The following PABPC1 variants were observed in gnomAD, a reference collection of about 807,000 sequenced individuals.
The protein encoded by PABPC1 is polyadenylate-binding protein 1.
A neutral mutation model predicts 74.0 loss-of-function variants in PABPC1; 4 were observed. That is an observed-to-expected ratio of 0.05 (90% CI 0.03 to 0.12). PABPC1 has a LOEUF of 0.12. PABPC1 is among the 10% of genes least tolerant of loss of function. The pLI, the probability that PABPC1 is intolerant of heterozygous loss-of-function variation, is 1.00. For missense variants in PABPC1, 271 were observed against 821.1 expected, an observed-to-expected ratio of 0.33 and a Z score of 8.19; for synonymous variants, 227 against 264.1, an observed-to-expected ratio of 0.86 and a Z score of 1.36.
chr8:100,721,478 G>A lies in PABPC1; in HGVS notation c.106C>T (p.Pro36Ser). Reference sequence around the variant, plus strand: ...CTGCAGACCCGGATGGAGAGGATGGGCCCGGCCGGGCTGAACTTCTCGTAG... The same window carrying A: ...CTGCAGACCCGGATGGAGAGGATGGACCCGGCCGGGCTGAACTTCTCGTAG... ...MLYEKFSPAG[P>S]ILSIRVCRDM... Residue 36 changes from proline (P) to serine (S), a missense_variant, in exon 1 of 15, where the codon CCC becomes TCC. By Grantham distance (74) the Pro-to-Ser change is moderately conservative. Coordinates refer to ENST00000318607, the MANE Select transcript of PABPC1 (RefSeq NM_002568.4). The surrounding 1 kb of genome is among the most constrained non-coding windows in gnomAD (Gnocchi z 7.4). 1 of 1,612,022 alleles carries A rather than the reference G, an allele frequency of 6.2e-7. No individual in the cohort carries two copies. The highest frequency in any genetic ancestry group is 1.1e-5 in the South Asian group (1 of 90,966).
chr8:100,709,874 G>A (rs1810482802), intron 7 of PABPC1, 143 bp from the exon 8 acceptor site: 4 of 968,012 alleles, frequency 4.1e-6, no homozygotes, highest in Non-Finnish European at 4.4e-6. Context: ...TACCCATTGA[G>A]TTCACAATTT....
chr8:100,708,425 C>T (rs1263260876), intron 9 of PABPC1, among the ~76,000 whole-genome samples: 1 of 152,016 alleles, frequency 6.6e-6, no homozygotes, highest in African/African-American at 2.4e-5. Context: ...CACTGCACTC[C>T]AGACTAGAAG....
At chr8:100,705,134 G>A in intron 12 of PABPC1, 78 bp from the exon 13 acceptor site, 2 of 1,189,320 alleles carry the variant, frequency 1.7e-6, no homozygotes, top group East Asian at 2.4e-5. Flanking sequence ...ATTAAACTGG[G>A]GTTTAAGAAC....
intron 6 of PABPC1, 69 bp from the exon 7 acceptor site, chr8:100,712,526 A>T: frequency 2.1e-6 from 3 of 1,454,682 alleles, no homozygotes; most frequent in Non-Finnish European, 2.8e-6. Context: ...CGGGTCTATT[A>T]TTTTACCCCA....
chr8:100,715,181 T>A (rs1432915194), intron 4 of PABPC1, among the ~76,000 whole-genome samples: 1 of 151,212 alleles, frequency 6.6e-6, no homozygotes, highest in Non-Finnish European at 1.5e-5. Context: ...AGCCTCTTAA[T>A]GTAGTAAAAT....
chr8:100,715,382 T>C, intron 4 of PABPC1, 80 bp downstream of exon 4: 1 of 1,262,640 alleles, frequency 7.9e-7, no homozygotes, highest in South Asian at 1.7e-5. Flanking sequence ...TTGACTTTTT[T>C]AGTATAAAGT....
At position 100,713,193 on chromosome 8, in the gene PABPC1, T is replaced by C. The variant is rs1810575054; in HGVS notation, c.644-12A>G. 1.4e-6 allele frequency: 2 copies of C among 1,463,516 alleles called. No homozygotes were observed. Among genetic ancestry groups the C allele is most frequent in the Non-Finnish European group, 1.9e-6 (2 of 1,072,978 alleles). The allele number at this position is 1,463,516 out of a possible 1,614,324, so 90.7% of individuals were successfully genotyped here. Reference sequence around the variant, plus strand: ...ACTTAAGGCAGGCCCTAAAAAATTTTTTTACATAAATCAAAGATATTCCAT... The same window carrying C: ...ACTTAAGGCAGGCCCTAAAAAATTTCTTTACATAAATCAAAGATATTCCAT... On this transcript the variant is annotated splice_polypyrimidine_tract_variant and intron_variant, in intron 4 of 14. Coordinates refer to ENST00000318607, the MANE Select transcript of PABPC1 (RefSeq NM_002568.4).
In PABPC1 at chr8:100,705,118, TACC is replaced by T. The variant is rs1055638683; in HGVS notation, c.1688-65_1688-63del. On this transcript the variant is annotated intron_variant, in intron 12 of 14. Coordinates refer to ENST00000318607, the MANE Select transcript of PABPC1 (RefSeq NM_002568.4). ...AAAAAAGTTTTTAACTGCATTGAAT[TACC>T]ACATTAAACTGGGGTTTAAGAACCA... The T allele has an allele frequency of 4.3e-5, 60 of 1,403,766 alleles. 1 individual carries two copies. In the African/African-American group the frequency reaches 7.3e-4, roughly 17 times the overall value. The allele number at this position is 1,403,766 out of a possible 1,614,324, so 87.0% of individuals were successfully genotyped here. A position where few individuals can be genotyped will look rare whatever the true frequency, so the allele number is the denominator to read the frequency against.
Position 100,721,259 on chromosome 8 carries a change from C to T in PABPC1, c.193+132G>A. ...GCGGCTCCAGGGACCCCGGCGCCTT[C>T]CCGCCGGCCGTCGCGGGGTGACATG... On this transcript the variant is annotated intron_variant, in intron 1 of 14. Coordinates refer to ENST00000318607, the MANE Select transcript of PABPC1 (RefSeq NM_002568.4). This position sits in a 1 kb window ranked among gnomAD's most constrained non-coding sequence, Gnocchi z 7.4. The T allele has an allele frequency of 3.1e-6, 1 of 322,690 alleles. No homozygotes were observed. Among genetic ancestry groups the T allele is most frequent in the Non-Finnish European group, 4.6e-6 (1 of 217,574 alleles). The allele number at this position is 322,690 out of a possible 1,614,324, so 20.0% of individuals were successfully genotyped here. A position where few individuals can be genotyped will look rare whatever the true frequency, so the allele number is the denominator to read the frequency against.
intron 3 of PABPC1, among the ~76,000 whole-genome samples, 186 bp downstream of exon 3, chr8:100,717,587 A>G (rs565880227): frequency 1.3e-5 from 2 of 152,168 alleles, no homozygotes; most frequent in African/African-American, 4.8e-5. Context: ...AAAAATCAAG[A>G]TTAGCTTATT....
intron 4 of PABPC1, among the ~76,000 whole-genome samples, chr8:100,715,150 CACACACACATATAT>C (rs1356460099): frequency 1.2e-4 from 10 of 84,572 alleles, no homozygotes; most frequent in African/African-American, 3.3e-4. Context: ...CACACACACA[CACACACACATATAT>C]ATCTCCAGCC....
intron 9 of PABPC1, 95 bp downstream of exon 9, chr8:100,709,038 A>T: frequency 1.1e-6 from 1 of 935,046 alleles, no homozygotes; most frequent in Non-Finnish European, 1.7e-6. Context: ...TGTGAAATGC[A>T]ATAGTTAACC....
intron 9 of PABPC1, 59 bp from the exon 10 acceptor site, chr8:100,707,056 T>A (rs1268405605): frequency 8.9e-6 from 11 of 1,232,680 alleles, no homozygotes; most frequent in Non-Finnish European, 1.2e-5. Context: ...TGAAAAGTGT[T>A]TATGCTGTCT....
intron 3 of PABPC1, among the ~76,000 whole-genome samples, chr8:100,715,891 G>A (rs1810656317): frequency 6.6e-6 from 1 of 152,094 alleles, no homozygotes; most frequent in South Asian, 2.1e-4. Context: ...ATGAGTGGAA[G>A]TGCATGTGTA....
chr8:100,717,071 C>T lies in PABPC1; in HGVS notation c.503+702G>A, dbSNP rs986348904. Among the ~76,000 whole-genome samples, 3 of 152,040 alleles carry T rather than the reference C, an allele frequency of 2.0e-5. 1 individual carries two copies. Among genetic ancestry groups the T allele is most frequent in the South Asian group, 4.1e-4 (2 of 4,822 alleles). ...TGTCGCCCAGACTGGAGTACAATGG[C>T]GAAATCTCGGTTCACTGCAACCTCC... On this transcript the variant is annotated intron_variant, in intron 3 of 14. Transcript: ENST00000318607.
chr8:100,719,234 T>C (rs1364164416), intron 1 of PABPC1, among the ~76,000 whole-genome samples: 1 of 152,208 alleles, frequency 6.6e-6, no homozygotes, highest in Non-Finnish European at 1.5e-5. Flanking sequence ...AAACAATTCC[T>C]ACAAATTCCA....
chr8:100,712,217 A>C (rs998430680), intron 7 of PABPC1, 145 bp downstream of exon 7: 1 of 557,702 alleles, frequency 1.8e-6, no homozygotes, highest in African/African-American at 1.9e-5. Context: ...AGGCTATGAC[A>C]ACCAGTTCAA....
intron 1 of PABPC1, among the ~76,000 whole-genome samples, chr8:100,719,188 C>T (rs555026518): frequency 6.6e-6 from 1 of 152,132 alleles, no homozygotes; most frequent in East Asian, 1.9e-4. Flanking sequence ...AAGACTAGTC[C>T]CCGAAGAGAG....
intron 14 of PABPC1, chr8:100,704,030 G>C: frequency 3.0e-6 from 1 of 337,610 alleles, no homozygotes; most frequent in Non-Finnish European, 5.4e-6. Flanking sequence ...ACTCCAGGTT[G>C]GGCGACAGAA....
Sources: allele counts gnomAD v4.1 joint callset (sites outside exome capture counted in the v4.1 genomes callset), GRCh38; gene constraint gnomAD v4.1.1; non-coding constraint Gnocchi (gnomAD v3.1); transcripts MANE v1.5; gene names NCBI Gene and HGNC (gene_info 2026-07-23, HGNC 2026-07-21).